Variants in CCDC7 observed in about 807,000 individuals in gnomAD.
CCDC7 encodes the protein coiled-coil domain-containing protein 7.
In CCDC7, 183 loss-of-function variants were observed where a neutral mutation model predicts 196.9. The observed-to-expected ratio is 0.93, with a 90% CI of 0.82 to 1.05. The LOEUF (loss-of-function observed/expected upper bound fraction) is 1.05, where lower values mean the gene tolerates loss of function less well. CCDC7 is among the 50% of genes least tolerant of loss of function. The pLI is 0.00. For missense variants in CCDC7, 1,540 were observed against 1,482.2 expected (o/e 1.04, Z -0.64); for synonymous variants, 525 against 484.6 (o/e 1.08, Z -1.10).
intron 18 of CCDC7, among the ~76,000 whole-genome samples, chr10:32,592,727 G>A (rs1422712182): frequency 6.6e-6 from 1 of 152,024 alleles, no homozygotes; most frequent in African/African-American, 2.4e-5. Context: ...AAGCCCCAGT[G>A]TGTGATGCTC....
intron 28 of CCDC7, among the ~76,000 whole-genome samples, chr10:32,777,112 A>G (rs1011773633): frequency 1.3e-5 from 2 of 152,158 alleles, no homozygotes; most frequent in Non-Finnish European, 2.9e-5. Context: ...TCTCCCACAT[A>G]TAAGGGAAGA....
At chr10:32,606,616 G>A (rs149267530) in intron 18 of CCDC7, among the ~76,000 whole-genome samples, 4 of 152,310 alleles carry the variant, frequency 2.6e-5, no homozygotes, top group Admixed American at 2.6e-4. Context: ...AGTCAAAGGA[G>A]ATTATTTTGG....
At chr10:32,582,769 G>T (rs1015027318) in intron 16 of CCDC7, among the ~76,000 whole-genome samples, 1 of 152,172 alleles carries the variant, frequency 6.6e-6, no homozygotes, top group African/African-American at 2.4e-5. Context: ...AATTTTTCTT[G>T]TTCTATGGCT....
chr10:32,456,896 T>G (rs2034467151), intron 3 of CCDC7, among the ~76,000 whole-genome samples: 1 of 152,108 alleles, frequency 6.6e-6, no homozygotes, highest in Non-Finnish European at 1.5e-5. Context: ...ATTATACATA[T>G]TTATGGGGTA....
chr10:32,852,868 C>T (rs2093615489), intron 40 of CCDC7, among the ~76,000 whole-genome samples: 1 of 151,800 alleles, frequency 6.6e-6, no homozygotes, highest in South Asian at 2.1e-4. Context: ...TCCCAGTGAG[C>T]TAGAAGAAAA....
At chr10:32,505,998 C>CCGGG (rs2044963035) in intron 9 of CCDC7, among the ~76,000 whole-genome samples, 1 of 146,578 alleles carries the variant, frequency 6.8e-6, no homozygotes. Context: ...GACGGGGTGG[C>CCGGG]CAGGCAGAGG....
intron 28 of CCDC7, among the ~76,000 whole-genome samples, chr10:32,732,172 A>G (rs1239287132): frequency 1.3e-5 from 2 of 152,196 alleles, no homozygotes; most frequent in Admixed American, 6.5e-5. Context: ...TTCTTTTTGC[A>G]ACTGAGAAAA....
At chr10:32,716,077 G>T (rs1182939346) in intron 25 of CCDC7, among the ~76,000 whole-genome samples, 1 of 152,068 alleles carries the variant, frequency 6.6e-6, no homozygotes, top group Non-Finnish European at 1.5e-5. Flanking sequence ...TCCCCGAGTA[G>T]AGCAACCCCA....
chr10:32,750,623 A>C (rs983927307), intron 28 of CCDC7, among the ~76,000 whole-genome samples: 10 of 152,166 alleles, frequency 6.6e-5, no homozygotes, highest in Non-Finnish European at 1.5e-5. Flanking sequence ...ATCTCCTGCC[A>C]TGGTTCCACT....
exon 14 of CCDC7, chr10:32,565,612 G>T (rs765945111): frequency 1.2e-6 from 2 of 1,608,884 alleles, no homozygotes; most frequent in South Asian, 2.2e-5. Context: ...ATTGAAACAG[G>T]CTTTACAGGT....
At chr10:32,777,498 C>G (rs2080263267) in intron 28 of CCDC7, among the ~76,000 whole-genome samples, 1 of 151,028 alleles carries the variant, frequency 6.6e-6, no homozygotes, top group African/African-American at 2.4e-5. Flanking sequence ...TTCCCACCAA[C>G]AGTGTGTACA....
downstream of CCDC7, among the ~76,000 whole-genome samples, chr10:32,877,997 C>T (rs544533971): frequency 6.6e-6 from 1 of 151,796 alleles, no homozygotes; most frequent in Admixed American, 6.6e-5. Context: ...CAGAGGAGAC[C>T]CAGTTAATAG....
At chr10:32,833,659 G>A (rs1443998681) in intron 32 of CCDC7, among the ~76,000 whole-genome samples, 2 of 152,032 alleles carry the variant, frequency 1.3e-5, no homozygotes, top group Non-Finnish European at 2.9e-5. Flanking sequence ...TGTTGTTGTT[G>A]TTGCTGTAGG....
chr10:32,736,485 C>A (rs2084890418), intron 28 of CCDC7, among the ~76,000 whole-genome samples: 1 of 151,764 alleles, frequency 6.6e-6, no homozygotes, highest in African/African-American at 2.4e-5. Context: ...GGTGCGCTGC[C>A]CCCACTAACT....
At chr10:32,555,099 T>G (rs1429837917) in intron 13 of CCDC7, among the ~76,000 whole-genome samples, 1 of 152,232 alleles carries the variant, frequency 6.6e-6, no homozygotes, top group Non-Finnish European at 1.5e-5. Flanking sequence ...TGTCTGTTGA[T>G]GGACACTTAC....
chr10:32,568,958 T>C (rs978103069), intron 15 of CCDC7, among the ~76,000 whole-genome samples: 20 of 152,232 alleles, frequency 1.3e-4, no homozygotes, highest in Non-Finnish European at 2.5e-4. Flanking sequence ...AAAAGCTTTA[T>C]TGTTTTCTAT....
At chr10:32,732,520 G>A (rs2084159404) in intron 28 of CCDC7, among the ~76,000 whole-genome samples, 1 of 152,036 alleles carries the variant, frequency 6.6e-6, no homozygotes. Context: ...TTTAAATTCT[G>A]CTACTGTGAT....
intron 24 of CCDC7, among the ~76,000 whole-genome samples, chr10:32,703,713 T>A (rs995742873): frequency 6.6e-5 from 10 of 152,112 alleles, no homozygotes; most frequent in Non-Finnish European, 1.3e-4. Context: ...TTTGTTCATT[T>A]CTTTTTATTC....
chr10:32,722,728 T>C, intron 25 of CCDC7, among the ~76,000 whole-genome samples: 1 of 152,052 alleles, frequency 6.6e-6, no homozygotes, highest in East Asian at 1.9e-4. Context: ...TAAGATCACA[T>C]TCTGAGATAC....
Sources: allele counts gnomAD v4.1 joint callset (sites outside exome capture counted in the v4.1 genomes callset), GRCh38; gene constraint gnomAD v4.1.1; transcripts MANE v1.5; gene names NCBI Gene and HGNC (gene_info 2026-07-23, HGNC 2026-07-21).